Variants in TNFAIP8 observed in about 807,000 individuals in gnomAD.
TNFAIP8 encodes tumor necrosis factor alpha-induced protein 8.
A neutral mutation model predicts 13.3 loss-of-function variants in TNFAIP8; 7 were observed. The observed-to-expected ratio is 0.52, with a 90% CI of 0.30 to 0.99. TNFAIP8 has a LOEUF of 0.99. Ranked by LOEUF, TNFAIP8 falls within the 50% of genes least tolerant of loss-of-function variation. TNFAIP8 has a pLI of 0.07. For synonymous variants in TNFAIP8, 94 were observed against 87.6 expected, an observed-to-expected ratio of 1.07 and a Z score of -0.41; for missense variants, 258 against 236.9, an observed-to-expected ratio of 1.09 and a Z score of -0.58.
At chr5:119,359,055 G>A (rs1252349131) in intron 1 of TNFAIP8, among the ~76,000 whole-genome samples, 10 of 152,040 alleles carry the variant, frequency 6.6e-5, no homozygotes, top group South Asian at 2.1e-4. Flanking sequence ...CTCCCTCAAC[G>A]TCCTGTTCCC....
intron 1 of TNFAIP8, among the ~76,000 whole-genome samples, chr5:119,303,609 G>A (rs1263847313): frequency 6.6e-6 from 1 of 152,168 alleles, no homozygotes; most frequent in Non-Finnish European, 1.5e-5. Context: ...TAACCGGAAA[G>A]GTTGAATGCT....
chr5:119,331,672 A>G (rs1750383961), intron 1 of TNFAIP8, among the ~76,000 whole-genome samples: 1 of 152,148 alleles, frequency 6.6e-6, no homozygotes, highest in African/African-American at 2.4e-5. Flanking sequence ...GATGCCATGA[A>G]GGCAGTTGTT....
chr5:119,362,988 A>G (rs1032228084), intron 1 of TNFAIP8, among the ~76,000 whole-genome samples: 1 of 152,190 alleles, frequency 6.6e-6, no homozygotes, highest in African/African-American at 2.4e-5. Context: ...GATTCCCCAT[A>G]TGTAGTCTCT....
chr5:119,286,233 C>T (rs1165492162), intron 1 of TNFAIP8, among the ~76,000 whole-genome samples: 3 of 152,148 alleles, frequency 2.0e-5, no homozygotes, highest in Admixed American at 2.0e-4. Flanking sequence ...TCCCTCACTG[C>T]ACTTCCCCAG....
At chr5:119,365,529 C>T (rs1751816351) in intron 1 of TNFAIP8, among the ~76,000 whole-genome samples, 2 of 152,306 alleles carry the variant, frequency 1.3e-5, no homozygotes, top group Non-Finnish European at 2.9e-5. Context: ...CTTATAATCA[C>T]ACCAAAAGAC....
rs964860927 is a variant in TNFAIP8 at position 119,395,182 on chromosome 5, G to T, written c.*1801G>T. 6.6e-6 allele frequency: 1 copy of T among 152,206 alleles called. No individual in the cohort carries two copies. The highest frequency in any genetic ancestry group is 1.5e-5 in the Non-Finnish European group (1 of 68,030). The allele number at this position is 152,206 out of a possible 1,614,324, so 9.4% of individuals were successfully genotyped here. A position where few individuals can be genotyped will look rare whatever the true frequency, so the allele number is the denominator to read the frequency against. The stretch of plus-strand genomic sequence containing the variant: ...TTCTCACTTCCTAGAGCCAGTAGGT[G>T]ATCAGTATATGCTGTAACAATAACA... On this transcript the variant is annotated 3_prime_UTR_variant, in exon 2 of 2. Coordinates refer to ENST00000504771, the MANE Select transcript of TNFAIP8 (RefSeq NM_014350.4).
At position 119,311,559 on chromosome 5, in the gene TNFAIP8, C is replaced by T. The variant is rs777979931; in HGVS notation, c.1+42652C>T. 2.0e-5 allele frequency among the ~76,000 whole-genome samples: 3 copies of T among 151,588 alleles called. No individual in the cohort carries two copies. In the East Asian group the frequency reaches 5.8e-4, roughly 29 times the overall value. Reference sequence around the variant, plus strand: ...ACAAAAAATTAACTGGGTGTGGTGGCGCACCTGTGGTCCCAGCTACTTGGG... The same window carrying T: ...ACAAAAAATTAACTGGGTGTGGTGGTGCACCTGTGGTCCCAGCTACTTGGG... On this transcript the variant is annotated intron_variant, in intron 1 of 1. Coordinates refer to the TNFAIP8 transcript ENST00000274456.
At chr5:119,305,633 A>G (rs1337604084) in intron 1 of TNFAIP8, among the ~76,000 whole-genome samples, 1 of 152,164 alleles carries the variant, frequency 6.6e-6, no homozygotes, top group Non-Finnish European at 1.5e-5. Flanking sequence ...GTCATTTGAA[A>G]CAAAGTTTGT....
chr5:119,305,645 A>G (rs1749527649), intron 1 of TNFAIP8, among the ~76,000 whole-genome samples: 1 of 152,184 alleles, frequency 6.6e-6, no homozygotes, highest in South Asian at 2.1e-4. Context: ...AAAGTTTGTT[A>G]AACTCCATTG....
intron 1 of TNFAIP8, among the ~76,000 whole-genome samples, chr5:119,288,425 C>T (rs1425478296): frequency 6.6e-6 from 1 of 152,128 alleles, no homozygotes; most frequent in African/African-American, 2.4e-5. Flanking sequence ...TTTACTGGAG[C>T]AAAAACATTA....
chr5:119,281,325 T>TACACACAC (rs1581566027), intron 1 of TNFAIP8, among the ~76,000 whole-genome samples: 1 of 22,398 alleles, frequency 4.5e-5, no homozygotes, highest in Non-Finnish European at 1.2e-4. Flanking sequence ...CTCTCACACT[T>TACACACAC]ACATGCAAAC....
intron 1 of TNFAIP8, among the ~76,000 whole-genome samples, chr5:119,372,951 A>G (rs1192979240): frequency 1.3e-5 from 2 of 152,054 alleles, no homozygotes; most frequent in African/African-American, 4.8e-5. Context: ...AAAGATTGAG[A>G]CTCCATCTCA....
At chr5:119,391,820 A>C (rs1752903959) in intron 1 of TNFAIP8, among the ~76,000 whole-genome samples, 2 of 152,132 alleles carry the variant, frequency 1.3e-5, no homozygotes, top group African/African-American at 4.8e-5. Context: ...TGGTAGAAGA[A>C]AAGTAAACTT....
At chr5:119,315,186 C>A (rs961129154) in intron 1 of TNFAIP8, among the ~76,000 whole-genome samples, 1 of 152,198 alleles carries the variant, frequency 6.6e-6, no homozygotes, top group African/African-American at 2.4e-5. Flanking sequence ...GGGTTCTCAC[C>A]ATTCTCCTGC....
intron 1 of TNFAIP8, among the ~76,000 whole-genome samples, chr5:119,348,545 G>A (rs113494911): frequency 5.9e-5 from 9 of 152,192 alleles, no homozygotes; most frequent in East Asian, 3.9e-4. Flanking sequence ...GTCTGTTGCC[G>A]GTGATGTGAT....
intron 1 of TNFAIP8, among the ~76,000 whole-genome samples, chr5:119,319,564 T>C (rs554083179): frequency 1.4e-4 from 21 of 152,300 alleles, no homozygotes; most frequent in African/African-American, 5.1e-4. Flanking sequence ...AGTTCTCTGC[T>C]AGAATTGGGG....
Position 119,395,131 on chromosome 5 carries a change from C to G in TNFAIP8, c.*1750C>G, listed in dbSNP as rs1466456327. ...CTTCCTGTTTGATATTAAATCCTGA[C>G]ACTAAGATTTGAACTGAAAGTATCA... On this transcript the variant is annotated 3_prime_UTR_variant, in exon 2 of 2. Coordinates refer to ENST00000504771, the MANE Select transcript of TNFAIP8 (RefSeq NM_014350.4). The G allele has an allele frequency of 2.0e-5, 3 of 152,184 alleles. No homozygotes were observed. The highest frequency in any genetic ancestry group is 7.2e-5 in the African/African-American group (3 of 41,444). 9.4% of individuals were successfully genotyped at this position (152,184 alleles called of 1,614,324 possible).
intron 1 of TNFAIP8, among the ~76,000 whole-genome samples, chr5:119,339,973 T>C (rs112862032): frequency 6.6e-6 from 1 of 152,220 alleles, no homozygotes; most frequent in Non-Finnish European, 1.5e-5. Context: ...CAATCAGTCA[T>C]AGAGAGTTTC....
intron 1 of TNFAIP8, among the ~76,000 whole-genome samples, chr5:119,317,054 G>A (rs2112681747): frequency 6.6e-6 from 1 of 152,332 alleles, no homozygotes; most frequent in South Asian, 2.1e-4. Context: ...GGAAATAATA[G>A]CATGTAGAAC....
Sources: gnomAD v4.1 joint callset for allele counts (sites outside exome capture counted in the v4.1 genomes callset) on GRCh38, gnomAD v4.1.1 for gene constraint, MANE v1.5 for transcripts, NCBI Gene and HGNC (gene_info 2026-07-23, HGNC 2026-07-21) for gene names.